SDK1: variants seen among roughly 807,000 people sequenced by gnomAD.
SDK1 encodes the protein sidekick cell adhesion molecule 1, also known as protein sidekick-1.
SDK1 carries 157 observed loss-of-function variants against 245.5 expected under a neutral mutation model. The observed-to-expected ratio is 0.64, with a 90% CI of 0.56 to 0.73. The LOEUF (loss-of-function observed/expected upper bound fraction) is 0.73. SDK1 is among the 30% of genes least tolerant of loss of function. The pLI, the probability that SDK1 is intolerant of heterozygous loss-of-function variation, is 0.00. For synonymous variants in SDK1, 1,647 were observed against 1,278.5 expected (o/e 1.29, Z -6.15); for missense variants, 3,583 against 3,002.3 (o/e 1.19, Z -4.52).
At chr7:3,556,023 G>A (rs939052591) in intron 1 of SDK1, among the ~76,000 whole-genome samples, 6 of 152,114 alleles carry the variant, frequency 3.9e-5, no homozygotes, top group African/African-American at 1.4e-4. Context: ...TCTCAAAAAA[G>A]TAAAAATAGA....
chr7:4,052,129 G>A (rs900307387), intron 19 of SDK1, among the ~76,000 whole-genome samples: 6 of 151,430 alleles, frequency 4.0e-5, no homozygotes, highest in African/African-American at 1.5e-4. Flanking sequence ...TGCTCTTCAT[G>A]TAGAGTTCAA....
intron 4 of SDK1, among the ~76,000 whole-genome samples, chr7:3,738,289 A>G (rs1213218922): frequency 6.6e-6 from 1 of 152,182 alleles, no homozygotes; most frequent in Non-Finnish European, 1.5e-5. Flanking sequence ...TCCCAATGCC[A>G]TTTACTAGAG....
chr7:3,718,430 C>CCCCGGAGGTTGAGG (rs999209091), intron 4 of SDK1, among the ~76,000 whole-genome samples: 1 of 151,596 alleles, frequency 6.6e-6, no homozygotes, highest in Non-Finnish European at 1.5e-5. Flanking sequence ...ATCGCTTGAG[C>CCCCGGAGGTTGAGG]CCCGGAGGTT....
intron 17 of SDK1, among the ~76,000 whole-genome samples, chr7:4,025,023 C>T (rs1787226081): frequency 1.1e-5 from 1 of 93,084 alleles, no homozygotes; most frequent in Non-Finnish European, 1.9e-5. Flanking sequence ...CATTCACACA[C>T]ACACACACAC....
At chr7:3,591,133 T>C (rs1780860286) in intron 1 of SDK1, among the ~76,000 whole-genome samples, 1 of 152,206 alleles carries the variant, frequency 6.6e-6, no homozygotes, top group Non-Finnish European at 1.5e-5. Flanking sequence ...AACTTTAAGG[T>C]TGTGATACTC....
chr7:4,021,901 G>C (rs578246627), intron 17 of SDK1, among the ~76,000 whole-genome samples: 15 of 152,274 alleles, frequency 9.9e-5, no homozygotes, highest in South Asian at 6.2e-4. Flanking sequence ...GCCTCACACA[G>C]AATGAAAACT....
At chr7:3,565,055 T>A (rs1779867215) in intron 1 of SDK1, among the ~76,000 whole-genome samples, 1 of 151,492 alleles carries the variant, frequency 6.6e-6, no homozygotes, top group Admixed American at 6.6e-5. Context: ...GGTGGTAAGA[T>A]CACATGACAA....
intron 44 of SDK1, among the ~76,000 whole-genome samples, chr7:4,246,467 T>C (rs960090330): frequency 6.6e-6 from 1 of 152,126 alleles, no homozygotes; most frequent in Non-Finnish European, 1.5e-5. Context: ...ATTGGTGGTC[T>C]GTAGACCCCA....
At chr7:3,476,807 G>C (rs955968777) in intron 1 of SDK1, among the ~76,000 whole-genome samples, 2 of 152,170 alleles carry the variant, frequency 1.3e-5, no homozygotes, top group Admixed American at 1.3e-4. Context: ...CAGCAAGGTG[G>C]CTGACTGGGA....
chr7:3,485,275 A>G (rs1455018229), intron 1 of SDK1, among the ~76,000 whole-genome samples: 1 of 152,036 alleles, frequency 6.6e-6, no homozygotes, highest in Non-Finnish European at 1.5e-5. Flanking sequence ...TTTTTTCCCT[A>G]GACGTGGTGG....
At chr7:4,219,528 G>A (rs754223681) in intron 38 of SDK1, among the ~76,000 whole-genome samples, 13 of 152,154 alleles carry the variant, frequency 8.5e-5, no homozygotes, top group African/African-American at 1.2e-4. Flanking sequence ...CTCATGAGAC[G>A]TATTCACTAC....
intron 1 of SDK1, among the ~76,000 whole-genome samples, chr7:3,358,082 C>T (rs1305572947): frequency 1.3e-5 from 2 of 151,944 alleles, no homozygotes; most frequent in Non-Finnish European, 1.5e-5. Context: ...AGTGCAGTGA[C>T]AGGATCTCGG....
chr7:3,586,047 G>A (rs1219524990), intron 1 of SDK1, among the ~76,000 whole-genome samples: 1 of 152,166 alleles, frequency 6.6e-6, no homozygotes, highest in Admixed American at 6.5e-5. Flanking sequence ...GCTGTGCTAA[G>A]TAAAGGAAGA....
At chr7:3,704,348 T>C (rs1397578618) in intron 4 of SDK1, among the ~76,000 whole-genome samples, 2 of 151,172 alleles carry the variant, frequency 1.3e-5, no homozygotes, top group Non-Finnish European at 2.9e-5. Flanking sequence ...AGGATGAGGA[T>C]CCATGCCAAT....
chr7:3,714,931 G>C (rs1335156406), intron 4 of SDK1, among the ~76,000 whole-genome samples: 1 of 152,134 alleles, frequency 6.6e-6, no homozygotes. Flanking sequence ...TGCAATGTGG[G>C]CTTAGATTGA....
At chr7:4,054,260 T>G (rs1267185258) in intron 19 of SDK1, among the ~76,000 whole-genome samples, 1 of 152,162 alleles carries the variant, frequency 6.6e-6, no homozygotes, top group Non-Finnish European at 1.5e-5. Flanking sequence ...GAAATTTTTA[T>G]TGAGAGCATT....
At chr7:3,380,678 G>C (rs1367938966) in intron 1 of SDK1, among the ~76,000 whole-genome samples, 1 of 152,162 alleles carries the variant, frequency 6.6e-6, no homozygotes, top group African/African-American at 2.4e-5. Flanking sequence ...TCATTAAGGA[G>C]ACTGACTCTT....
intron 35 of SDK1, among the ~76,000 whole-genome samples, chr7:4,189,743 T>C (rs570739455): frequency 2.0e-5 from 3 of 152,284 alleles, no homozygotes; most frequent in African/African-American, 7.2e-5. Flanking sequence ...TGAGCCGAGA[T>C]TGTGCCACTG....
At chr7:3,494,904 C>G (rs548237359) in intron 1 of SDK1, among the ~76,000 whole-genome samples, 1 of 152,294 alleles carries the variant, frequency 6.6e-6, no homozygotes, top group African/African-American at 2.4e-5. Flanking sequence ...TCAAATGTGT[C>G]TCCTTCTCTC....
Sources: allele counts gnomAD v4.1 joint callset (sites outside exome capture counted in the v4.1 genomes callset), GRCh38; gene constraint gnomAD v4.1.1; transcripts MANE v1.5; gene names NCBI Gene and HGNC (gene_info 2026-07-23, HGNC 2026-07-21).